The following NOX3 variants were observed in gnomAD, a reference collection of about 807,000 sequenced individuals.
NOX3 encodes the protein NADPH oxidase 3, also known as NADPH oxidase catalytic subunit-like 3.
In NOX3, 74 loss-of-function variants were observed where a neutral mutation model predicts 76.7. That is an observed-to-expected ratio of 0.96 (90% CI 0.80 to 1.17). The LOEUF is 1.17. NOX3 is among the 50% of genes most tolerant of loss of function. NOX3 has a pLI of 0.00. For missense variants in NOX3, 695 were observed against 703.3 expected, an observed-to-expected ratio of 0.99 and a Z score of 0.13; for synonymous variants, 263 against 261.1, an observed-to-expected ratio of 1.01 and a Z score of -0.07.
chr6:155,445,137 T>A (rs368711531), intron 4 of NOX3, among the ~76,000 whole-genome samples: 1 of 152,220 alleles, frequency 6.6e-6, no homozygotes, highest in East Asian at 1.9e-4. Flanking sequence ...AACATACCGA[T>A]GCTTTTCCTG....
chr6:155,418,996 A>C (rs1582933497), intron 10 of NOX3, among the ~76,000 whole-genome samples: 1 of 152,282 alleles, frequency 6.6e-6, no homozygotes, highest in East Asian at 1.9e-4. Flanking sequence ...TTATTACAAA[A>C]GAGGACAATC....
intron 7 of NOX3, among the ~76,000 whole-genome samples, chr6:155,435,449 G>A (rs776285607): frequency 3.3e-5 from 5 of 152,060 alleles, no homozygotes; most frequent in East Asian, 3.9e-4. Context: ...TATCTATTCC[G>A]GTTCTCTCGG....
Position 155,430,939 on chromosome 6 carries a change from A to G in NOX3, c.799-4T>C, listed in dbSNP as rs1776824875. 6.4e-7 allele frequency: 1 copy of G among 1,558,052 alleles called. No individual in the cohort carries two copies. Among genetic ancestry groups the G allele is most frequent in the African/African-American group, 1.4e-5 (1 of 73,716 alleles). On this transcript the variant is annotated splice_polypyrimidine_tract_variant and splice_region_variant and intron_variant, in intron 7 of 13. Coordinates refer to ENST00000159060, the MANE Select transcript of NOX3 (RefSeq NM_015718.3). ...GGCCTAAAATCCATTTCCAAGCCTG[A>G]AGAGAGTAGCAGAGAGAGAGAGAAA...
At chr6:155,404,189 T>G (rs942950019) in intron 12 of NOX3, among the ~76,000 whole-genome samples, 75 of 151,922 alleles carry the variant, frequency 4.9e-4, no homozygotes, top group African/African-American at 1.8e-3. Flanking sequence ...TCATATAAGC[T>G]TTTAATATTT....
intron 10 of NOX3, among the ~76,000 whole-genome samples, chr6:155,411,932 G>A (rs1776557211): frequency 6.6e-6 from 1 of 152,132 alleles, no homozygotes; most frequent in African/African-American, 2.4e-5. Context: ...GGCTGTGCCT[G>A]TGTGTCAACT....
chr6:155,436,650 G>T (rs1776908495), intron 6 of NOX3, 103 bp from the exon 7 acceptor site: 8 of 1,125,374 alleles, frequency 7.1e-6, no homozygotes, highest in African/African-American at 1.6e-5. Context: ...AGTGAGCTCT[G>T]AAATATCACT....
At position 155,396,316 on chromosome 6, in the gene NOX3, T is replaced by C. The variant is rs1231460938; in HGVS notation, c.*27+493A>G. Among the ~76,000 whole-genome samples, 2 of 152,154 alleles carry C rather than the reference T, an allele frequency of 1.3e-5. 1 individual carries two copies. The highest frequency in any genetic ancestry group is 2.9e-5 in the Non-Finnish European group (2 of 68,024). On this transcript the variant is annotated intron_variant, in intron 13 of 13. Coordinates refer to ENST00000159060, the MANE Select transcript of NOX3 (RefSeq NM_015718.3). Reference sequence around the variant, plus strand: ...GAGCTTAAGTTTAAAGCAGAAAAGATCAGGTTTGGATATAAGGTGGGTGTC... The same window carrying C: ...GAGCTTAAGTTTAAAGCAGAAAAGACCAGGTTTGGATATAAGGTGGGTGTC...
intron 11 of NOX3, among the ~76,000 whole-genome samples, chr6:155,409,033 C>G (rs1776507165): frequency 6.6e-6 from 1 of 152,014 alleles, no homozygotes; most frequent in African/African-American, 2.4e-5. Context: ...ATGGGTAACC[C>G]CACCAGTATG....
rs376973887 is a variant in NOX3, at chr6:155,407,196, T to C, written c.1514A>G (p.Gln505Arg). The C allele has an allele frequency of 3.7e-5, 59 of 1,613,996 alleles. No individual in the cohort carries two copies. The highest frequency in any genetic ancestry group is 4.6e-5 in the Non-Finnish European group (54 of 1,179,974). ...ENTDVITGLK[Q>R]KTFYGRPNWN... Reference sequence around the variant, plus strand: ...GTTGGGCCTCCCATAGAAGGTCTTCTGCTTTAAGCCTGTAATCACGTCAGT... The same window carrying C: ...GTTGGGCCTCCCATAGAAGGTCTTCCGCTTTAAGCCTGTAATCACGTCAGT... Residue 505 changes from glutamine (Q) to arginine (R), a missense_variant, in exon 12 of 14, where the codon CAG (glutamine) becomes CGG (arginine). Transcript: ENST00000159060.
At chr6:155,406,207 T>A (rs1463278817) in intron 12 of NOX3, among the ~76,000 whole-genome samples, 1 of 152,124 alleles carries the variant, frequency 6.6e-6, no homozygotes, top group African/African-American at 2.4e-5. Context: ...TTAGGAGACA[T>A]CATAACAATG....
At chr6:155,417,839 GCTGT>G (rs1245523338) in intron 10 of NOX3, among the ~76,000 whole-genome samples, 3 of 151,986 alleles carry the variant, frequency 2.0e-5, no homozygotes, top group East Asian at 3.9e-4. Flanking sequence ...ACTGGCCCGT[GCTGT>G]CTTTTTATTT....
At chr6:155,452,517 G>A (rs1248519607) in intron 4 of NOX3, among the ~76,000 whole-genome samples, 1 of 152,146 alleles carries the variant, frequency 6.6e-6, no homozygotes, top group African/African-American at 2.4e-5. Flanking sequence ...GTCACTGGGA[G>A]CATCTTCCCC....
chr6:155,446,663 G>GT (rs1777068386), intron 4 of NOX3, among the ~76,000 whole-genome samples: 1 of 152,144 alleles, frequency 6.6e-6, no homozygotes, highest in Non-Finnish European at 1.5e-5. Context: ...TTGAAAACTA[G>GT]TTTTTTCTAT....
At chr6:155,442,030 C>A (rs75015739) in intron 5 of NOX3, among the ~76,000 whole-genome samples, 2 of 152,060 alleles carry the variant, frequency 1.3e-5, no homozygotes, top group Non-Finnish European at 2.9e-5. Flanking sequence ...TTTGGGAGGC[C>A]GAGGTGGGCG....
chr6:155,434,057 G>A (rs975081949), intron 7 of NOX3, among the ~76,000 whole-genome samples: 9 of 152,138 alleles, frequency 5.9e-5, no homozygotes, highest in Non-Finnish European at 1.2e-4. Context: ...CAGAAAATAA[G>A]AACATGCTGG....
intron 10 of NOX3, among the ~76,000 whole-genome samples, chr6:155,422,377 C>T (rs1407057337): frequency 2.0e-5 from 3 of 152,166 alleles, no homozygotes; most frequent in African/African-American, 4.8e-5. Context: ...GAGGTTGCCT[C>T]TTAATATTGC....
rs546089878 is a variant in NOX3, at chr6:155,407,795, G to A, written c.1456-541C>T. ...CAGTTTCAAGTGCTGGGAGGATGTG[G>A]AGCCTGGCAGGCGGAAAATGGTGGC... is the stretch of plus-strand genomic sequence containing the variant. On this transcript the variant is annotated intron_variant, in intron 11 of 13. Coordinates refer to ENST00000159060, the MANE Select transcript of NOX3 (RefSeq NM_015718.3). Among the ~76,000 whole-genome samples the A allele has an allele frequency of 4.6e-5, 7 of 152,220 alleles. No homozygotes were observed. The South Asian group carries it at 1.5e-3, about 32-fold the overall frequency.
intron 5 of NOX3, among the ~76,000 whole-genome samples, chr6:155,441,372 T>C (rs898025623): frequency 6.6e-6 from 1 of 152,234 alleles, no homozygotes. Flanking sequence ...TTTAAAATAT[T>C]TTCTTCTCAA....
chr6:155,433,258 C>T (rs186679485), intron 7 of NOX3, among the ~76,000 whole-genome samples: 90 of 152,332 alleles, frequency 5.9e-4, no homozygotes, highest in Admixed American at 5.9e-4. Flanking sequence ...TAGCCAGTGT[C>T]GTTACCTGTG....
Sources: allele counts gnomAD v4.1 joint callset (sites outside exome capture counted in the v4.1 genomes callset), GRCh38; gene constraint gnomAD v4.1.1; transcripts MANE v1.5; gene names NCBI Gene and HGNC (gene_info 2026-07-23, HGNC 2026-07-21).